USH2A: variants seen among roughly 807,000 people sequenced by gnomAD.
USH2A encodes Usher syndrome 2A (autosomal recessive, mild).
Under a neutral mutation model 538.9 loss-of-function variants are expected in USH2A, and 443 were observed. The ratio of observed to expected loss-of-function variants is 0.82; its 90% CI spans 0.76 to 0.89. The LOEUF (loss-of-function observed/expected upper bound fraction) is 0.89. Ranked by LOEUF, USH2A falls within the 40% of genes least tolerant of loss-of-function variation. The pLI is 0.00. For synonymous variants in USH2A, 2,413 were observed against 2,273.5 expected (o/e 1.06, Z -1.75); for missense variants, 6,633 against 6,324.8 (o/e 1.05, Z -1.65).
chr1:216,125,975 T>C (rs1367223822), intron 21 of USH2A, among the ~76,000 whole-genome samples: 1 of 152,228 alleles, frequency 6.6e-6, no homozygotes, highest in African/African-American at 2.4e-5. Flanking sequence ...ATATGATGTG[T>C]TGGGTTAATT....
At chr1:216,232,215 G>A in intron 13 of USH2A, 79 bp from the exon 14 acceptor site, 1 of 1,446,226 alleles carries the variant, frequency 6.9e-7, no homozygotes, top group South Asian at 1.3e-5. Flanking sequence ...TGATTACACA[G>A]AAAAACAGAA....
chr1:215,710,501 G>A (rs1016972617), intron 61 of USH2A, among the ~76,000 whole-genome samples: 1 of 152,076 alleles, frequency 6.6e-6, no homozygotes, highest in South Asian at 2.1e-4. Context: ...CTGCTCATAC[G>A]TTTAGCTCAG....
At chr1:215,639,271 T>C in intron 68 of USH2A, 33 bp from the exon 69 acceptor site, 1 of 1,602,812 alleles carries the variant, frequency 6.2e-7, no homozygotes, top group Non-Finnish European at 8.5e-7. Context: ...AAATGACTTG[T>C]TCATTCAACA....
intron 36 of USH2A, among the ~76,000 whole-genome samples, chr1:215,968,222 G>T (rs1667403036): frequency 6.6e-6 from 1 of 152,000 alleles, no homozygotes; most frequent in Non-Finnish European, 1.5e-5. Flanking sequence ...CTAAAAATTA[G>T]GTTCAAAGGC....
At chr1:216,282,547 G>C (rs1463886936) in intron 11 of USH2A, among the ~76,000 whole-genome samples, 1 of 152,004 alleles carries the variant, frequency 6.6e-6, no homozygotes, top group Non-Finnish European at 1.5e-5. Flanking sequence ...AAATATGAGG[G>C]CTTATTTGTA....
chr1:216,190,452 T>C (rs2034692660), intron 19 of USH2A, 85 bp from the exon 20 acceptor site: 2 of 1,547,766 alleles, frequency 1.3e-6, no homozygotes, highest in Admixed American at 3.6e-5. Flanking sequence ...CAAAGTTCCA[T>C]GAATTCAGAC....
Position 216,046,543 on chromosome 1 carries a change from C to A in USH2A, c.6213G>T (p.Leu2071Phe). Reference sequence around the variant, plus strand: ...TTTTGGGTGGGTTCCAGGAGAGCAGCAAAGAACTGGGAAGGGATTTGGCTA... The same window carrying A: ...TTTTGGGTGGGTTCCAGGAGAGCAGAAAAGAACTGGGAAGGGATTTGGCTA... ...PPVAKSLPSS[L>F]LLSWNPPKKA... Residue 2071 changes from leucine (L) to phenylalanine (F), a missense_variant, in exon 32 of 72, where the codon TTG becomes TTT. Leu to Phe is a conservative substitution (Grantham distance 22, BLOSUM62 0). Coordinates refer to ENST00000307340, the MANE Select transcript of USH2A (RefSeq NM_206933.4). 6.2e-7 allele frequency: 1 copy of A among 1,613,800 alleles called. No homozygotes were observed. The highest frequency in any genetic ancestry group is 8.5e-7 in the Non-Finnish European group (1 of 1,179,806).
chr1:216,258,570 T>G (rs561188615), intron 11 of USH2A, among the ~76,000 whole-genome samples: 15 of 152,116 alleles, frequency 9.9e-5, no homozygotes, highest in African/African-American at 3.6e-4. Context: ...TGGCTATATC[T>G]CTTCAATTTG....
At chr1:216,281,703 A>G (rs771745901) in intron 11 of USH2A, among the ~76,000 whole-genome samples, 1 of 152,166 alleles carries the variant, frequency 6.6e-6, no homozygotes, top group Non-Finnish European at 1.5e-5. Flanking sequence ...TATATGATAC[A>G]TACAGAGGAG....
At chr1:216,336,802 T>C (rs893139786) in intron 4 of USH2A, among the ~76,000 whole-genome samples, 4 of 151,480 alleles carry the variant, frequency 2.6e-5, no homozygotes, top group Admixed American at 2.6e-4. Flanking sequence ...AAAACTATAA[T>C]ATAGCTAGAA....
chr1:216,149,557 C>T (rs1317021690), intron 21 of USH2A, among the ~76,000 whole-genome samples: 4 of 152,096 alleles, frequency 2.6e-5, no homozygotes, highest in African/African-American at 9.7e-5. Context: ...AGAGCCTGTC[C>T]CCGAGATGCT....
intron 60 of USH2A, among the ~76,000 whole-genome samples, chr1:215,736,282 C>T (rs1364208115): frequency 6.6e-6 from 1 of 152,046 alleles, no homozygotes; most frequent in African/African-American, 2.4e-5. Flanking sequence ...GAATCCTATG[C>T]TTATGTGTTG....
chr1:215,884,344 T>C (rs1286288003), intron 41 of USH2A, among the ~76,000 whole-genome samples: 3 of 152,246 alleles, frequency 2.0e-5, no homozygotes, highest in African/African-American at 7.2e-5. Flanking sequence ...AGGATTGTCT[T>C]GTTATGGAGT....
chr1:216,020,275 G>A (rs1364286146), intron 32 of USH2A, among the ~76,000 whole-genome samples: 1 of 152,144 alleles, frequency 6.6e-6, no homozygotes, highest in Non-Finnish European at 1.5e-5. Context: ...CAATCTAAAT[G>A]TTGCTATAAA....
At chr1:216,378,746 C>G (rs1157819208) in intron 3 of USH2A, among the ~76,000 whole-genome samples, 1 of 152,000 alleles carries the variant, frequency 6.6e-6, no homozygotes, top group Non-Finnish European at 1.5e-5. Context: ...CAAATAACAT[C>G]AGCTCTAATC....
chr1:215,951,317 C>T (rs1279058910), intron 37 of USH2A, among the ~76,000 whole-genome samples: 2 of 152,172 alleles, frequency 1.3e-5, no homozygotes, highest in Admixed American at 1.3e-4. Flanking sequence ...ATGTACCCAG[C>T]AGTCATTCAG....
chr1:215,773,804 T>G (rs1159877694), intron 55 of USH2A, among the ~76,000 whole-genome samples: 20 of 152,180 alleles, frequency 1.3e-4, no homozygotes, highest in African/African-American at 4.8e-5. Context: ...ATCTTGACTG[T>G]GATGGATAGA....
At chr1:216,094,519 T>C (rs2032391627) in intron 22 of USH2A, among the ~76,000 whole-genome samples, 1 of 152,176 alleles carries the variant, frequency 6.6e-6, no homozygotes, top group African/African-American at 2.4e-5. Flanking sequence ...AGATTCTCAT[T>C]TGGCACTGTA....
chr1:215,759,556 T>C (rs561276378), intron 57 of USH2A, 104 bp downstream of exon 57: 35 of 1,416,208 alleles, frequency 2.5e-5, no homozygotes, highest in African/African-American at 4.3e-5. Flanking sequence ...ATGAGGAAGT[T>C]AATTAAACAA....
Sources: allele counts gnomAD v4.1 joint callset (sites outside exome capture counted in the v4.1 genomes callset), GRCh38; gene constraint gnomAD v4.1.1; transcripts MANE v1.5; gene names NCBI Gene and HGNC (gene_info 2026-07-23, HGNC 2026-07-21).